The following TDRP variants were observed in gnomAD, a reference collection of about 807,000 sequenced individuals.
TDRP encodes testis development-related protein.
Under a neutral mutation model 10.5 loss-of-function variants are expected in TDRP, and 12 were observed. The ratio of observed to expected loss-of-function variants is 1.15; its 90% CI spans 0.73 to 1.86. The LOEUF (loss-of-function observed/expected upper bound fraction) is 1.86. TDRP is among the 40% of genes most tolerant of loss of function. The probability of loss-of-function intolerance (pLI) is 0.00; values close to 1 mark genes in which losing one functional copy is unlikely to be tolerated. For synonymous variants in TDRP, 139 were observed against 95.4 expected (o/e 1.46, Z -2.67); for missense variants, 353 against 229.2 (o/e 1.54, Z -3.49).
chr8:542,139 C>A (rs1053094173), intron 1 of TDRP, among the ~76,000 whole-genome samples: 4 of 152,170 alleles, frequency 2.6e-5, no homozygotes, highest in African/African-American at 4.8e-5. Flanking sequence ...ATGCATCTTT[C>A]TAAGTGAGAG....
At position 493,311 on chromosome 8, in the gene TDRP, T is replaced by C. The variant is rs116749815; in HGVS notation, c.213-567A>G. Among the ~76,000 whole-genome samples, 307 of 152,326 alleles carry C rather than the reference T, an allele frequency of 2.0e-3. 3 individuals carry two copies. Among genetic ancestry groups the C allele is most frequent in the Non-Finnish European group, 2.1e-3 (145 of 68,024 alleles). On this transcript the variant is annotated intron_variant, in intron 2 of 2. Coordinates refer to ENST00000324079, the MANE Select transcript of TDRP (RefSeq NM_001384899.1). The stretch of plus-strand genomic sequence containing the variant: ...TGTCCGCGAGCATCACCTGGGAACA[T>C]TGTTAAGAACACCAGTGCCCAGGCC...
intron 1 of TDRP, among the ~76,000 whole-genome samples, chr8:533,249 G>A (rs1055926816): frequency 6.6e-6 from 1 of 152,182 alleles, no homozygotes; most frequent in Non-Finnish European, 1.5e-5. Context: ...CCATGTCACT[G>A]CTGGGCTCCT....
At chr8:498,569 T>G (rs1801198582) in intron 1 of TDRP, among the ~76,000 whole-genome samples, 1 of 152,224 alleles carries the variant, frequency 6.6e-6, no homozygotes, top group Non-Finnish European at 1.5e-5. Flanking sequence ...ACTACTTACC[T>G]TGTCTCAGAT....
chr8:509,415 G>C (rs1402451620), intron 1 of TDRP, among the ~76,000 whole-genome samples: 2 of 152,202 alleles, frequency 1.3e-5, no homozygotes, highest in East Asian at 3.9e-4. Flanking sequence ...TCTAGCCAGA[G>C]GTTCTCAAAC....
chr8:501,695 A>T (rs1801307162), intron 1 of TDRP, among the ~76,000 whole-genome samples: 1 of 152,204 alleles, frequency 6.6e-6, no homozygotes, highest in African/African-American at 2.4e-5. Context: ...GGTCAGGAAA[A>T]ATTAGAAACC....
intron 1 of TDRP, among the ~76,000 whole-genome samples, chr8:513,994 A>G (rs1478339248): frequency 6.6e-6 from 1 of 152,234 alleles, no homozygotes; most frequent in Non-Finnish European, 1.5e-5. Context: ...ATCAGAAGAC[A>G]TAACATTATT....
chr8:495,564 G>A lies in TDRP; in HGVS notation c.109-967C>T, dbSNP rs762807896. Among the ~76,000 whole-genome samples, 23 of 152,340 alleles carry A rather than the reference G, an allele frequency of 1.5e-4. No individual in the cohort carries two copies. The Middle Eastern group carries it at 0.014, about 91-fold the overall frequency. On this transcript the variant is annotated intron_variant, in intron 1 of 2. Transcript: ENST00000324079. ...GGAGAAAACCATCTGAAAATCCGGCGTGTGTCGAAGGCCCTTCATATTCAC... is the reference window on the plus strand; with the variant it reads ...GGAGAAAACCATCTGAAAATCCGGCATGTGTCGAAGGCCCTTCATATTCAC...
upstream of TDRP, among the ~76,000 whole-genome samples, chr8:545,404 C>T (rs985813938): frequency 7.2e-6 from 1 of 139,426 alleles, no homozygotes; most frequent in East Asian, 2.3e-4. Flanking sequence ...TCCCGGTTCT[C>T]TCCTTCTCCC....
intron 1 of TDRP, among the ~76,000 whole-genome samples, chr8:504,465 C>A (rs929898718): frequency 2.0e-5 from 3 of 152,112 alleles, no homozygotes; most frequent in Non-Finnish European, 4.4e-5. Context: ...CCCTAAGAAA[C>A]CCACTCACCA....
At chr8:526,797 T>C (rs1802047187) in intron 1 of TDRP, among the ~76,000 whole-genome samples, 1 of 152,184 alleles carries the variant, frequency 6.6e-6, no homozygotes. Context: ...ATCTGGAACA[T>C]GACAAGGATG....
intron 1 of TDRP, among the ~76,000 whole-genome samples, chr8:535,506 T>C (rs1802321600): frequency 6.6e-6 from 1 of 152,156 alleles, no homozygotes; most frequent in Non-Finnish European, 1.5e-5. Context: ...GTCCGTGGAC[T>C]GCATCTTGAC....
intron 1 of TDRP, among the ~76,000 whole-genome samples, chr8:536,283 G>A (rs1002868893): frequency 4.6e-5 from 7 of 152,304 alleles, no homozygotes; most frequent in African/African-American, 1.4e-4. Context: ...ATCCACCACC[G>A]TCTTTAGTGA....
At chr8:506,390 G>A (rs1280712284) in intron 1 of TDRP, among the ~76,000 whole-genome samples, 4 of 152,292 alleles carry the variant, frequency 2.6e-5, no homozygotes, top group African/African-American at 9.6e-5. Flanking sequence ...CCAGCTCCAA[G>A]TGGAACGACT....
chr8:526,296 A>G (rs554086073), intron 1 of TDRP, among the ~76,000 whole-genome samples: 1 of 152,006 alleles, frequency 6.6e-6, no homozygotes, highest in East Asian at 1.9e-4. Context: ...CCATGCCCAG[A>G]CTCTAGTTCT....
intron 1 of TDRP, among the ~76,000 whole-genome samples, chr8:536,622 A>C (rs1802353793): frequency 6.6e-6 from 1 of 152,228 alleles, no homozygotes; most frequent in Non-Finnish European, 1.5e-5. Context: ...TATGAAAAAA[A>C]TGTAAAGGAT....
chr8:539,852 T>C (rs566877162), intron 1 of TDRP, among the ~76,000 whole-genome samples: 49 of 152,324 alleles, frequency 3.2e-4, no homozygotes, highest in South Asian at 1.7e-3. Flanking sequence ...TAAACTAAGA[T>C]TCACTATTCC....
intron 1 of TDRP, 67 bp downstream of exon 1, chr8:544,583 G>A: frequency 9.2e-7 from 1 of 1,082,880 alleles, no homozygotes; most frequent in South Asian, 4.5e-5. Flanking sequence ...CCTGCGCGCC[G>A]CCCACCCTCG....
chr8:505,883 A>C (rs1280176066), intron 1 of TDRP, among the ~76,000 whole-genome samples: 1 of 152,178 alleles, frequency 6.6e-6, no homozygotes. Context: ...CAAACCCTCA[A>C]ATCACACCCA....
intron 1 of TDRP, among the ~76,000 whole-genome samples, chr8:535,695 C>T (rs999900858): frequency 2.0e-5 from 3 of 151,852 alleles, no homozygotes; most frequent in East Asian, 4.0e-4. Flanking sequence ...CAGGGCCTCC[C>T]ACCATATGGA....
Sources: gnomAD v4.1 joint callset for allele counts (sites outside exome capture counted in the v4.1 genomes callset) on GRCh38, gnomAD v4.1.1 for gene constraint, MANE v1.5 for transcripts, NCBI Gene and HGNC (gene_info 2026-07-23, HGNC 2026-07-21) for gene names.